CDH8: variants seen among roughly 807,000 people sequenced by gnomAD.
The protein encoded by CDH8 is cadherin-8.
CDH8 carries 17 observed loss-of-function variants against 68.1 expected under a neutral mutation model. That is an observed-to-expected ratio of 0.25 (90% confidence interval 0.17 to 0.37). CDH8 has a LOEUF of 0.37. Among genes scored for constraint, CDH8 ranks in the 10% least tolerant of loss-of-function variants. The pLI is 1.00. For missense variants in CDH8, 763 were observed against 999.3 expected, an observed-to-expected ratio of 0.76 and a Z score of 3.19; for synonymous variants, 372 against 365.1, an observed-to-expected ratio of 1.02 and a Z score of -0.21.
chr16:62,010,371 C>A (rs549047683), intron 2 of CDH8, among the ~76,000 whole-genome samples: 1 of 152,120 alleles, frequency 6.6e-6, no homozygotes, highest in African/African-American at 2.4e-5. Context: ...CAAATGAGAT[C>A]GTGTGTTGCC....
intron 2 of CDH8, among the ~76,000 whole-genome samples, chr16:61,988,165 T>C (rs1306727490): frequency 1.3e-5 from 2 of 152,150 alleles, no homozygotes; most frequent in Non-Finnish European, 2.9e-5. Context: ...CTATAGAAAA[T>C]TATTTTAAAG....
intron 2 of CDH8, among the ~76,000 whole-genome samples, chr16:61,938,845 C>A (rs1356643739): frequency 6.6e-6 from 1 of 152,082 alleles, no homozygotes; most frequent in Non-Finnish European, 1.5e-5. Context: ...GCTCAATGTT[C>A]CTGTGAATTA....
At chr16:62,026,264 T>G (rs923335352) in intron 1 of CDH8, among the ~76,000 whole-genome samples, 3 of 152,232 alleles carry the variant, frequency 2.0e-5, no homozygotes, top group Admixed American at 6.5e-5. Flanking sequence ...GGGGTGCTTC[T>G]CAAATATTAA....
In CDH8 at chr16:61,724,044, CAG is replaced by C. The variant is rs201775808; in HGVS notation, c.1536+3048_1536+3049del. 6.1e-3 allele frequency among the ~76,000 whole-genome samples: 911 copies of C among 150,438 alleles called. 10 individuals are homozygous for C. The highest frequency in any genetic ancestry group is 0.021 in the African/African-American group (863 of 41,264). On this transcript the variant is annotated intron_variant, in intron 9 of 11. Transcript: ENST00000577390. Reference sequence around the variant, plus strand: ...ACATATATAATATTTAATTATGTAACAGAGAGATTATTTAAAAGGATTCTAAT... The same window carrying C: ...ACATATATAATATTTAATTATGTAACAGAGATTATTTAAAAGGATTCTAAT...
chr16:61,981,967 T>C (rs897393990), intron 2 of CDH8, among the ~76,000 whole-genome samples: 1 of 152,160 alleles, frequency 6.6e-6, no homozygotes, highest in Non-Finnish European at 1.5e-5. Flanking sequence ...TATCTGAGCA[T>C]GATGCTGGAT....
intron 1 of CDH8, among the ~76,000 whole-genome samples, chr16:62,024,972 G>A (rs1000720962): frequency 1.3e-5 from 2 of 152,152 alleles, no homozygotes; most frequent in Non-Finnish European, 2.9e-5. Context: ...AGGAAGCAAA[G>A]AATCTGTTTG....
At chr16:61,912,785 A>G (rs1178026162) in intron 2 of CDH8, among the ~76,000 whole-genome samples, 6 of 152,144 alleles carry the variant, frequency 3.9e-5, no homozygotes, top group Non-Finnish European at 8.8e-5. Flanking sequence ...AAATCTTCTC[A>G]GATTATCCTA....
chr16:61,777,600 A>G (rs1414700802), intron 8 of CDH8, among the ~76,000 whole-genome samples: 1 of 152,178 alleles, frequency 6.6e-6, no homozygotes, highest in Non-Finnish European at 1.5e-5. Flanking sequence ...TTAGACTGGA[A>G]GGAACAAGGG....
chr16:61,695,802 A>G (rs1964314358), intron 10 of CDH8, among the ~76,000 whole-genome samples: 1 of 152,186 alleles, frequency 6.6e-6, no homozygotes, highest in Non-Finnish European at 1.5e-5. Flanking sequence ...TTGAGTAAAG[A>G]TGGATACAGT....
Position 61,649,938 on chromosome 16 carries a change from C to G in CDH8, c.*3670G>C, listed in dbSNP as rs1963283789. 2 of 152,090 alleles carry G rather than the reference C, an allele frequency of 1.3e-5. No homozygotes were observed. The highest frequency in any genetic ancestry group is 2.1e-4 in the South Asian group (1 of 4,836). The allele number at this position is 152,090 out of a possible 1,614,324, so 9.4% of individuals were successfully genotyped here. A position where few individuals can be genotyped will look rare whatever the true frequency, so the allele number is the denominator to read the frequency against. On this transcript the variant is annotated 3_prime_UTR_variant, in exon 12 of 12. Coordinates refer to ENST00000577390, the MANE Select transcript of CDH8 (RefSeq NM_001796.5). ...CTTTAAGCATCTGATTAAGCAGACT[C>G]TCCCAAAGACACATTTGTATCTTTC...
intron 10 of CDH8, among the ~76,000 whole-genome samples, chr16:61,657,699 ATAGAAT>A (rs1246249925): frequency 7.2e-5 from 11 of 152,256 alleles, no homozygotes; most frequent in African/African-American, 2.6e-4. Flanking sequence ...AAAACAAAAG[ATAGAAT>A]TTGTTCTTCA....
intron 2 of CDH8, among the ~76,000 whole-genome samples, chr16:62,010,717 T>G (rs1005027553): frequency 5.9e-5 from 9 of 152,116 alleles, no homozygotes; most frequent in African/African-American, 1.7e-4. Flanking sequence ...GATGGGCGAA[T>G]CACCTGAGGT....
intron 10 of CDH8, among the ~76,000 whole-genome samples, chr16:61,696,794 G>T (rs144943379): frequency 1.3e-5 from 2 of 152,128 alleles, no homozygotes; most frequent in South Asian, 4.1e-4. Context: ...TTGCAGAAAC[G>T]TGGATGCAGC....
intron 3 of CDH8, among the ~76,000 whole-genome samples, chr16:61,874,597 A>G (rs1020023388): frequency 1.3e-5 from 2 of 151,998 alleles, no homozygotes; most frequent in African/African-American, 2.4e-5. Flanking sequence ...TCCCAAAGTG[A>G]TATTTTCAAC....
At chr16:61,911,988 T>A (rs569524155) in intron 2 of CDH8, among the ~76,000 whole-genome samples, 130 of 152,224 alleles carry the variant, frequency 8.5e-4, no homozygotes, top group Non-Finnish European at 1.6e-3. Context: ...TCAAAGAGCT[T>A]GATTAACAAG....
chr16:61,655,369 G>C lies in CDH8; in HGVS notation c.1906+101C>G, dbSNP rs961859364. 1.3e-5 allele frequency: 15 copies of C among 1,166,014 alleles called. No individual in the cohort carries two copies. In the African/African-American group the frequency reaches 2.2e-4, roughly 17 times the overall value. 72.2% of individuals were successfully genotyped at this position (1,166,014 alleles called of 1,614,324 possible). A position where few individuals can be genotyped will look rare whatever the true frequency, so the allele number is the denominator to read the frequency against. ...GGAAAGGAAGTTCCTCTTCCCCAAC[G>C]GAATGCTCTTGCCTGTGTAGATCAG... is the stretch of plus-strand genomic sequence containing the variant. On this transcript the variant is annotated intron_variant, in intron 11 of 11. Transcript: ENST00000577390.
chr16:62,000,081 G>A (rs139472769), intron 2 of CDH8, among the ~76,000 whole-genome samples: 4,607 of 151,998 alleles, frequency 0.03, 106 homozygotes, highest in Middle Eastern at 0.092. Flanking sequence ...CTGTTACTGT[G>A]TTAGTTTGCT....
chr16:61,777,388 A>G (rs1474157767), intron 8 of CDH8, among the ~76,000 whole-genome samples: 1 of 152,148 alleles, frequency 6.6e-6, no homozygotes, highest in Non-Finnish European at 1.5e-5. Flanking sequence ...TATTTTATCT[A>G]TAGTTGTCTA....
At chr16:61,916,954 T>C (rs1283490311) in intron 2 of CDH8, among the ~76,000 whole-genome samples, 2 of 152,096 alleles carry the variant, frequency 1.3e-5, no homozygotes, top group Non-Finnish European at 2.9e-5. Context: ...AGAAATAAAT[T>C]GATTTTTAAT....
Sources: gnomAD v4.1 joint callset for allele counts (sites outside exome capture counted in the v4.1 genomes callset) on GRCh38, gnomAD v4.1.1 for gene constraint, MANE v1.5 for transcripts, NCBI Gene and HGNC (gene_info 2026-07-23, HGNC 2026-07-21) for gene names.